MROH9: variants seen among roughly 807,000 people sequenced by gnomAD.
MROH9 encodes maestro heat-like repeat-containing protein family member 9.
MROH9 carries 92 observed loss-of-function variants against 98.2 expected under a neutral mutation model. The observed-to-expected ratio is 0.94, with a 90% confidence interval of 0.79 to 1.11. MROH9 has a LOEUF of 1.11. Among genes scored for constraint, MROH9 ranks in the 50% most tolerant of loss-of-function variants. The pLI, the probability that MROH9 is intolerant of heterozygous loss-of-function variation, is 0.00. For synonymous variants in MROH9, 397 were observed against 368.9 expected, an observed-to-expected ratio of 1.08 and a Z score of -0.87; for missense variants, 1,057 against 1,014.8, an observed-to-expected ratio of 1.04 and a Z score of -0.57.
At chr1:170,987,513 C>T (rs1571479266) in intron 10 of MROH9, among the ~76,000 whole-genome samples, 1 of 152,188 alleles carries the variant, frequency 6.6e-6, no homozygotes, top group South Asian at 2.1e-4. Flanking sequence ...CTCAATTCTT[C>T]ATGCTGGTTT....
intron 8 of MROH9, 121 bp downstream of exon 8, chr1:170,972,004 G>A: frequency 9.5e-7 from 1 of 1,057,032 alleles, no homozygotes; most frequent in Non-Finnish European, 1.4e-6. Context: ...AAGAGTCATG[G>A]CTATACTTTC....
At chr1:171,054,113 T>C (rs931562308) in intron 20 of MROH9, among the ~76,000 whole-genome samples, 4 of 152,348 alleles carry the variant, frequency 2.6e-5, no homozygotes, top group Middle Eastern at 3.4e-3. Flanking sequence ...TAGCAAGTTT[T>C]CTAGATACAA....
At chr1:170,967,025 G>T (rs1485545496) in intron 7 of MROH9, among the ~76,000 whole-genome samples, 1 of 152,174 alleles carries the variant, frequency 6.6e-6, no homozygotes, top group Admixed American at 6.5e-5. Flanking sequence ...GCATTTTGGA[G>T]TTTCATCTTC....
At position 170,949,981 on chromosome 1, in the gene MROH9, A is replaced by G. The variant is rs529459850; in HGVS notation, c.72+2408A>G. 3.3e-5 allele frequency among the ~76,000 whole-genome samples: 5 copies of G among 152,164 alleles called. No individual in the cohort carries two copies. The East Asian group carries it at 9.7e-4, about 29-fold the overall frequency. On this transcript the variant is annotated intron_variant, in intron 3 of 21. Transcript: ENST00000367759. ...AGCTAAAACTTATATAGTACCCATA[A>G]CATGTTAGGCATGCTGTAAGTGCTT...
At chr1:171,054,867 G>A (rs937254028) in intron 20 of MROH9, among the ~76,000 whole-genome samples, 1 of 152,020 alleles carries the variant, frequency 6.6e-6, no homozygotes, top group African/African-American at 2.4e-5. Context: ...ATGTTGGTGT[G>A]GATGTGGTGA....
At chr1:171,024,608 A>T in intron 18 of MROH9, 41 bp from the exon 19 acceptor site, 1 of 1,533,540 alleles carries the variant, frequency 6.5e-7, no homozygotes, top group South Asian at 1.2e-5. Flanking sequence ...TTATCTAACA[A>T]CAGATGAATA....
Position 170,998,912 on chromosome 1 carries a change from G to A in MROH9, c.1596+638G>A, listed in dbSNP as rs528103626. ...CTTTGAGGTGATTTCAAACACCATA[G>A]GAAAACGGTTAATAAATTATGAAAA... On this transcript the variant is annotated intron_variant, in intron 15 of 21. Transcript: ENST00000367759. 71 of 228,428 alleles carry A rather than the reference G, an allele frequency of 3.1e-4. No individual in the cohort carries two copies. The East Asian group carries it at 0.011, about 34-fold the overall frequency. 14.2% of individuals were successfully genotyped at this position (228,428 alleles called of 1,614,324 possible). A position where few individuals can be genotyped will look rare whatever the true frequency, so the allele number is the denominator to read the frequency against.
Position 170,957,032 on chromosome 1 carries a change from C to T in MROH9, c.73-1429C>T, listed in dbSNP as rs866778363. 6.0e-5 allele frequency among the ~76,000 whole-genome samples: 6 copies of T among 99,972 alleles called. No homozygotes were observed. The Middle Eastern group carries it at 0.026, about 433-fold the overall frequency. 65.6% of individuals were successfully genotyped at this position (99,972 alleles called of 152,430 possible). A position where few individuals can be genotyped will look rare whatever the true frequency, so the allele number is the denominator to read the frequency against. ...GATTATCTGCTTTTTTTTTTTTTTGCCATTGAATCATGAGTTTCTTATACA... is the reference window on the plus strand; with the variant it reads ...GATTATCTGCTTTTTTTTTTTTTTGTCATTGAATCATGAGTTTCTTATACA... On this transcript the variant is annotated intron_variant, in intron 3 of 21. Transcript: ENST00000367759.
chr1:170,979,223 G>A (rs1457781239), intron 8 of MROH9, among the ~76,000 whole-genome samples: 2 of 152,164 alleles, frequency 1.3e-5, no homozygotes, highest in Non-Finnish European at 2.9e-5. Flanking sequence ...AACCAAACCT[G>A]TAGTATCTTT....
chr1:170,973,968 A>C lies in MROH9; in HGVS notation c.616+2085A>C, dbSNP rs541570472. Among the ~76,000 whole-genome samples, 24 of 152,360 alleles carry C rather than the reference A, an allele frequency of 1.6e-4. 1 individual carries two copies. In the South Asian group the frequency reaches 4.1e-3, roughly 26 times the overall value. On this transcript the variant is annotated intron_variant, in intron 8 of 21. Transcript: ENST00000367759. ...AGATAAAAACATCTTAAGTAGAGAC[A>C]GAAAAACTCCTAAAAGACTTATATT...
intron 20 of MROH9, among the ~76,000 whole-genome samples, chr1:171,061,461 C>T (rs977949844): frequency 1.2e-4 from 18 of 152,128 alleles, no homozygotes; most frequent in East Asian, 3.8e-4. Context: ...ACAACACAAA[C>T]GCCCATCAAC....
chr1:171,021,931 T>C (rs1174309751), intron 17 of MROH9, among the ~76,000 whole-genome samples: 1 of 147,872 alleles, frequency 6.8e-6, no homozygotes, highest in African/African-American at 2.5e-5. Context: ...CATCAAAAAG[T>C]GGGCAAAGCA....
chr1:170,937,245 T>C (rs1283967785), intron 1 of MROH9, among the ~76,000 whole-genome samples: 1 of 152,220 alleles, frequency 6.6e-6, no homozygotes, highest in Non-Finnish European at 1.5e-5. Flanking sequence ...CACTAAACCC[T>C]TCTCAGAGGA....
At chr1:170,990,219 G>A (rs1651303543) in intron 11 of MROH9, among the ~76,000 whole-genome samples, 1 of 152,046 alleles carries the variant, frequency 6.6e-6, no homozygotes, top group African/African-American at 2.4e-5. Flanking sequence ...AAACACAATA[G>A]GCCCACAAGA....
chr1:170,978,023 C>T (rs1650782364), intron 8 of MROH9, among the ~76,000 whole-genome samples: 1 of 152,200 alleles, frequency 6.6e-6, no homozygotes, highest in East Asian at 1.9e-4. Context: ...ACAGTCTTTG[C>T]TCCTTCTTTA....
chr1:170,995,199 G>A (rs1364215174), intron 12 of MROH9, among the ~76,000 whole-genome samples, 190 bp from the exon 13 acceptor site: 1 of 152,136 alleles, frequency 6.6e-6, no homozygotes, highest in Admixed American at 6.6e-5. Context: ...TAGTAGGCTT[G>A]ACACAGTTCC....
intron 20 of MROH9, among the ~76,000 whole-genome samples, chr1:171,036,875 C>CAT (rs2101854101): frequency 6.7e-6 from 1 of 149,832 alleles, no homozygotes; most frequent in Admixed American, 6.6e-5. Flanking sequence ...TGAAAGCAGA[C>CAT]ACTACTAAAA....
intron 17 of MROH9, 30 bp downstream of exon 17, chr1:171,016,366 A>G (rs901772313): frequency 7.1e-7 from 1 of 1,404,572 alleles, no homozygotes; most frequent in African/African-American, 1.5e-5. Context: ...ATGTGAGATC[A>G]TTAGGTTTTG....
intron 17 of MROH9, among the ~76,000 whole-genome samples, chr1:171,018,734 C>T (rs1321186782): frequency 6.6e-6 from 1 of 152,172 alleles, no homozygotes; most frequent in Non-Finnish European, 1.5e-5. Flanking sequence ...AGCTGAAAAA[C>T]AGCACAAGAA....
Sources: gnomAD v4.1 joint callset for allele counts (sites outside exome capture counted in the v4.1 genomes callset) on GRCh38, gnomAD v4.1.1 for gene constraint, MANE v1.5 for transcripts, NCBI Gene and HGNC (gene_info 2026-07-23, HGNC 2026-07-21) for gene names.